EDA: variants seen among roughly 807,000 people sequenced by gnomAD.
The protein encoded by EDA is ectodysplasin A.
A neutral mutation model predicts 23.6 loss-of-function variants in EDA; 2 were observed. The ratio of observed to expected loss-of-function variants is 0.08; its 90% CI spans 0.03 to 0.27. The LOEUF (loss-of-function observed/expected upper bound fraction) is 0.27, where lower values mean the gene tolerates loss of function less well. EDA is among the 10% of genes least tolerant of loss of function. The pLI is 1.00. For missense variants in EDA, 229 were observed against 324.2 expected, an observed-to-expected ratio of 0.71 and a Z score of 2.26; for synonymous variants, 131 against 132.0, an observed-to-expected ratio of 0.99 and a Z score of 0.05.
chrX:69,623,530 G>A (rs1180374576), intron 1 of EDA, among the ~76,000 whole-genome samples: 1 of 111,607 alleles, frequency 9.0e-6, no homozygotes, highest in East Asian at 2.8e-4. Context: ...TGAATTTTGG[G>A]GGGAACACAA....
chrX:69,788,138 T>C (rs1280241964), intron 1 of EDA, among the ~76,000 whole-genome samples: 114 of 111,728 alleles, frequency 1.0e-3, no homozygotes, highest in Non-Finnish European at 1.6e-3. Flanking sequence ...GGTTTTCAGC[T>C]CCATCAGCTC....
intron 1 of EDA, among the ~76,000 whole-genome samples, chrX:69,708,536 T>C (rs886271256): frequency 9.0e-6 from 1 of 111,584 alleles, no homozygotes; most frequent in African/African-American, 3.3e-5. Context: ...GAGGTAGATT[T>C]ACTATAAAGT....
At chrX:69,712,205 C>T (rs915836843) in intron 1 of EDA, among the ~76,000 whole-genome samples, 5 of 111,107 alleles carry the variant, frequency 4.5e-5, no homozygotes, top group East Asian at 2.8e-4. Context: ...TCTTTGTTCT[C>T]GTTGGTTTCA....
At chrX:69,733,707 C>A (rs1028009898) in intron 1 of EDA, among the ~76,000 whole-genome samples, 8 of 111,522 alleles carry the variant, frequency 7.2e-5, no homozygotes, top group Non-Finnish European at 1.5e-4. Context: ...TGGCCATTTT[C>A]ATGATATTGA....
chrX:69,852,497 A>T (rs976048506), intron 1 of EDA, among the ~76,000 whole-genome samples: 6 of 111,727 alleles, frequency 5.4e-5, no homozygotes, highest in Non-Finnish European at 9.4e-5. Context: ...AGAGCAGTAA[A>T]CTAGGGGTAG....
chrX:69,901,648 T>A (rs1467556967), intron 1 of EDA, among the ~76,000 whole-genome samples: 2 of 111,804 alleles, frequency 1.8e-5, no homozygotes, highest in Non-Finnish European at 3.8e-5. Context: ...GAAAGGTAAT[T>A]TTGAGGTAAC....
intron 1 of EDA, among the ~76,000 whole-genome samples, chrX:69,753,022 A>C (rs2013950596): frequency 9.0e-6 from 1 of 111,317 alleles, no homozygotes. Context: ...CTTTTCAAAA[A>C]ACCAGCTCCT....
At chrX:69,757,349 G>A (rs1171603210) in intron 1 of EDA, among the ~76,000 whole-genome samples, 1 of 111,913 alleles carries the variant, frequency 8.9e-6, no homozygotes, top group Non-Finnish European at 1.9e-5. Context: ...GGTTGGTCAG[G>A]TGTGATAGCT....
At chrX:69,870,522 G>C (rs2017549755) in intron 1 of EDA, among the ~76,000 whole-genome samples, 1 of 110,962 alleles carries the variant, frequency 9.0e-6, no homozygotes, top group Non-Finnish European at 1.9e-5. Context: ...GGCCATTACT[G>C]TTGCCTCAGG....
chrX:69,816,397 G>A (rs190174520), intron 1 of EDA, among the ~76,000 whole-genome samples: 27 of 111,022 alleles, frequency 2.4e-4, no homozygotes, highest in East Asian at 2.3e-3. Context: ...AATGAACTTC[G>A]CTGAGCTAAA....
chrX:69,686,242 C>T (rs1047523929), intron 1 of EDA, among the ~76,000 whole-genome samples: 2 of 112,166 alleles, frequency 1.8e-5, no homozygotes, highest in Admixed American at 1.9e-4. Flanking sequence ...GGTAATCCGC[C>T]CACCTTGGCC....
At chrX:69,836,062 A>G (rs2016766071) in intron 1 of EDA, among the ~76,000 whole-genome samples, 1 of 110,809 alleles carries the variant, frequency 9.0e-6, no homozygotes, top group East Asian at 2.8e-4. Flanking sequence ...AACAGCAAAT[A>G]TTGCAGAACA....
At chrX:70,022,385 T>A (rs2020047232) in intron 2 of EDA, among the ~76,000 whole-genome samples, 1 of 109,928 alleles carries the variant, frequency 9.1e-6, no homozygotes, top group African/African-American at 3.3e-5. Context: ...TCACCCAGGC[T>A]GGAGTGTAGA....
chrX:69,757,946 A>G (rs2014174722), intron 1 of EDA, among the ~76,000 whole-genome samples: 1 of 112,362 alleles, frequency 8.9e-6, no homozygotes, highest in Non-Finnish European at 1.9e-5. Context: ...TGTGTGGAAT[A>G]TATTTTCTAT....
chrX:69,963,819 A>G (rs1483130879), intron 2 of EDA, among the ~76,000 whole-genome samples: 1 of 111,465 alleles, frequency 9.0e-6, no homozygotes, highest in Non-Finnish European at 1.9e-5. Flanking sequence ...TTGGGTATAG[A>G]GGTTAAAGAT....
intron 1 of EDA, among the ~76,000 whole-genome samples, chrX:69,852,561 T>G (rs2147579614): frequency 9.0e-6 from 1 of 111,693 alleles, no homozygotes; most frequent in South Asian, 3.8e-4. Flanking sequence ...CGTTGGCCTT[T>G]AGTTCGGTTT....
intron 1 of EDA, among the ~76,000 whole-genome samples, chrX:69,672,156 G>C (rs1249250643): frequency 9.0e-6 from 1 of 111,682 alleles, no homozygotes; most frequent in Admixed American, 9.5e-5. Flanking sequence ...TCCCTGTATA[G>C]TTTGCATTCA....
At chrX:69,815,275 C>T (rs1044630437) in intron 1 of EDA, among the ~76,000 whole-genome samples, 10 of 112,263 alleles carry the variant, frequency 8.9e-5, no homozygotes, top group African/African-American at 2.6e-4. Flanking sequence ...CAACACAGTA[C>T]AGCTGCCTTG....
intron 1 of EDA, among the ~76,000 whole-genome samples, chrX:69,932,196 C>T (rs1421700753): frequency 8.9e-6 from 1 of 111,784 alleles, no homozygotes; most frequent in Non-Finnish European, 1.9e-5. Context: ...GCATCAGAGA[C>T]TGGGCTGAGT....
Sources: allele counts gnomAD v4.1 joint callset (sites outside exome capture counted in the v4.1 genomes callset), GRCh38; gene constraint gnomAD v4.1.1; transcripts MANE v1.5; gene names NCBI Gene and HGNC (gene_info 2026-07-23, HGNC 2026-07-21).